SHQ1: variants seen among roughly 807,000 people sequenced by gnomAD.
The protein encoded by SHQ1 is protein SHQ1 homolog.
SHQ1 carries 49 observed loss-of-function variants against 53.8 expected under a neutral mutation model. That is an observed-to-expected ratio of 0.91 (90% confidence interval 0.72 to 1.16). The LOEUF (loss-of-function observed/expected upper bound fraction) is 1.16, where lower values mean the gene tolerates loss of function less well. Among genes scored for constraint, SHQ1 ranks in the 50% most tolerant of loss-of-function variants. SHQ1 has a pLI of 0.00. For synonymous variants in SHQ1, 243 were observed against 251.0 expected, an observed-to-expected ratio of 0.97 and a Z score of 0.30; for missense variants, 738 against 683.1, an observed-to-expected ratio of 1.08 and a Z score of -0.90.
At chr3:72,740,372 T>C in the SHQ1 span, among the ~76,000 whole-genome samples, 1 of 152,138 alleles carries the variant, frequency 6.6e-6, no homozygotes, top group East Asian at 1.9e-4. Context: ...TCTTGAGACA[T>C]GAAAGGTGTC....
intron 9 of SHQ1, among the ~76,000 whole-genome samples, chr3:72,805,775 G>A (rs1292252594): frequency 6.6e-6 from 1 of 152,104 alleles, no homozygotes; most frequent in African/African-American, 2.4e-5. Flanking sequence ...AATATTTTAA[G>A]TGATATTTTT....
chr3:72,839,209 C>T (rs894904103), intron 4 of SHQ1, among the ~76,000 whole-genome samples: 5 of 152,164 alleles, frequency 3.3e-5, no homozygotes, highest in Non-Finnish European at 7.4e-5. Flanking sequence ...TCATGTACAG[C>T]GTTAGATTGG....
chr3:72,756,265 T>C (rs1705496311), intron 10 of SHQ1, among the ~76,000 whole-genome samples: 1 of 152,106 alleles, frequency 6.6e-6, no homozygotes, highest in Non-Finnish European at 1.5e-5. Context: ...ATGTTTTTTG[T>C]TTGTCTGGTT....
intron 10 of SHQ1, among the ~76,000 whole-genome samples, chr3:72,792,046 C>T (rs1053908952): frequency 6.6e-6 from 1 of 152,218 alleles, no homozygotes; most frequent in Admixed American, 6.5e-5. Context: ...AGTGCTGGAG[C>T]TCATTTGTGA....
At chr3:72,725,719 G>A in the SHQ1 span, among the ~76,000 whole-genome samples, 2 of 152,144 alleles carry the variant, frequency 1.3e-5, no homozygotes, top group Non-Finnish European at 2.9e-5. Flanking sequence ...GTAGATGCTT[G>A]TTGAATGAAT....
At position 72,833,581 on chromosome 3, in the gene SHQ1, C is replaced by T. The variant is rs939384545; in HGVS notation, c.487-1100G>A. The stretch of plus-strand genomic sequence containing the variant: ...GATAGATAGATAGATAGAATTTTTA[C>T]GGGCAATTTTGATGCACAGTATATG... On this transcript the variant is annotated intron_variant, in intron 4 of 10. Transcript: ENST00000325599. 2.7e-5 allele frequency among the ~76,000 whole-genome samples: 4 copies of T among 146,940 alleles called. 1 individual carries two copies. The highest frequency in any genetic ancestry group is 4.1e-4 in the East Asian group (2 of 4,906).
At chr3:72,770,550 T>G (rs1416393778) in intron 10 of SHQ1, among the ~76,000 whole-genome samples, 2 of 152,160 alleles carry the variant, frequency 1.3e-5, no homozygotes, top group Admixed American at 6.5e-5. Flanking sequence ...GGCTGTCAGT[T>G]TGTTCAATAA....
intron 10 of SHQ1, among the ~76,000 whole-genome samples, chr3:72,763,393 G>A (rs76099703): frequency 0.014 from 2,155 of 152,238 alleles, 48 homozygotes; most frequent in African/African-American, 0.049. Flanking sequence ...CAAATGAAAC[G>A]GCTGTTTGGA....
intron 10 of SHQ1, among the ~76,000 whole-genome samples, chr3:72,759,511 G>A (rs1298345677): frequency 6.6e-6 from 1 of 151,946 alleles, no homozygotes; most frequent in African/African-American, 2.4e-5. Context: ...GCCAACATGG[G>A]GAAATCCTGT....
chr3:72,754,618 T>C (rs1159763132), intron 10 of SHQ1, among the ~76,000 whole-genome samples: 1 of 152,088 alleles, frequency 6.6e-6, no homozygotes, highest in East Asian at 1.9e-4. Flanking sequence ...CGACCTCAGG[T>C]GATCTGCCCG....
At chr3:72,815,225 T>C in intron 8 of SHQ1, 125 bp downstream of exon 8, 1 of 746,446 alleles carries the variant, frequency 1.3e-6, no homozygotes, top group African/African-American at 1.8e-5. Flanking sequence ...GAAAACATAC[T>C]TGTACAATAG....
chr3:72,800,622 T>C (rs937041101), intron 9 of SHQ1, among the ~76,000 whole-genome samples: 2 of 152,358 alleles, frequency 1.3e-5, no homozygotes, highest in Middle Eastern at 3.4e-3. Flanking sequence ...TAGAACAATG[T>C]CCAGCAAATT....
chr3:72,824,404 G>A lies in SHQ1; in HGVS notation c.727+20C>T. 1 of 1,608,500 alleles carries A rather than the reference G, an allele frequency of 6.2e-7. No individual in the cohort carries two copies. The highest frequency in any genetic ancestry group is 1.7e-5 in the Admixed American group (1 of 59,344). Reference sequence around the variant, plus strand: ...TGAGATTTTAAAATGAAACAAATTAGCCGAATTTGAGTTTCTTACCTAATG... The same window carrying A: ...TGAGATTTTAAAATGAAACAAATTAACCGAATTTGAGTTTCTTACCTAATG... On this transcript the variant is annotated intron_variant, in intron 6 of 10. Coordinates refer to ENST00000325599, the MANE Select transcript of SHQ1 (RefSeq NM_018130.3).
chr3:72,840,900 T>TTTAAA (rs1708160260), intron 4 of SHQ1, 145 bp downstream of exon 4: 1 of 868,568 alleles, frequency 1.2e-6, no homozygotes, highest in Admixed American at 2.8e-5. Context: ...TGCACATCTA[T>TTTAAA]GTACTTTAGC....
rs114732487 is a variant in SHQ1 at position 72,832,161 on chromosome 3, G to A, written c.599+208C>T. Among the ~76,000 whole-genome samples, 943 of 152,234 alleles carry A rather than the reference G, an allele frequency of 6.2e-3. 6 individuals are homozygous for A. Among genetic ancestry groups the A allele is most frequent in the Non-Finnish European group, 0.01 (704 of 68,006 alleles). On this transcript the variant is annotated intron_variant, in intron 5 of 10. Transcript: ENST00000325599. The stretch of plus-strand genomic sequence containing the variant: ...TAGAAGAGTTCTCTGTTGCTAAGAT[G>A]AACAACTTGAGATATAAGAGGCAAC...
intron 9 of SHQ1, chr3:72,794,391 C>G (rs1221214312): frequency 6.6e-6 from 1 of 152,198 alleles, no homozygotes; most frequent in African/African-American, 2.4e-5. Flanking sequence ...ACCGCAACAG[C>G]AGGTTTTCCA....
At chr3:72,766,569 T>C (rs775545834) in intron 10 of SHQ1, among the ~76,000 whole-genome samples, 57 of 152,254 alleles carry the variant, frequency 3.7e-4, no homozygotes, top group Non-Finnish European at 5.9e-4. Flanking sequence ...GTAAACAAGA[T>C]AAAACTATTT....
rs1424280555 is a variant in SHQ1, at chr3:72,842,414, ATT to A, written c.209-14_209-13del. 1 of 1,611,126 alleles carries A rather than the reference ATT, an allele frequency of 6.2e-7. No homozygotes were observed. Among genetic ancestry groups the A allele is most frequent in the African/African-American group, 1.3e-5 (1 of 74,864 alleles). On this transcript the variant is annotated splice_polypyrimidine_tract_variant and intron_variant, in intron 2 of 10. Transcript: ENST00000325599. ...AATGGTAAAAATTCCTTAAAGATAAATTTGTTTTATGCTTAGATTAAAATATT... is the reference window on the plus strand; with the variant it reads ...AATGGTAAAAATTCCTTAAAGATAAATGTTTTATGCTTAGATTAAAATATT...
chr3:72,781,112 T>C (rs929910645), intron 10 of SHQ1, among the ~76,000 whole-genome samples: 1 of 149,556 alleles, frequency 6.7e-6, no homozygotes, highest in African/African-American at 2.5e-5. Context: ...CAGGCTAGAG[T>C]GCAGTGACGC....
Sources: allele counts gnomAD v4.1 joint callset (sites outside exome capture counted in the v4.1 genomes callset), GRCh38; gene constraint gnomAD v4.1.1; transcripts MANE v1.5; gene names NCBI Gene and HGNC (gene_info 2026-07-23, HGNC 2026-07-21).